SMAD3: variants seen among roughly 807,000 people sequenced by gnomAD.
SMAD3 encodes the protein MAD homolog 3.
SMAD3 carries 12 observed loss-of-function variants against 51.8 expected under a neutral mutation model. The observed-to-expected ratio is 0.23, with a 90% CI of 0.15 to 0.38. The LOEUF is 0.38. Ranked by LOEUF, SMAD3 falls within the 10% of genes least tolerant of loss-of-function variation. SMAD3 has a pLI of 1.00. For missense variants in SMAD3, 294 were observed against 565.6 expected (o/e 0.52, Z 4.87); for synonymous variants, 238 against 227.7 (o/e 1.05, Z -0.41).
At chr15:67,149,362 G>GT (rs1174859109) in intron 1 of SMAD3, among the ~76,000 whole-genome samples, 2 of 152,200 alleles carry the variant, frequency 1.3e-5, no homozygotes, top group African/African-American at 4.8e-5. Context: ...CTGGGACTGG[G>GT]TGGGCTGATA....
intron 1 of SMAD3, among the ~76,000 whole-genome samples, chr15:67,106,501 C>G (rs968506031): frequency 6.6e-6 from 1 of 152,180 alleles, no homozygotes; most frequent in African/African-American, 2.4e-5. Context: ...TACACTCTCT[C>G]ACAGAGACTG....
chr15:67,161,561 A>G (rs1362589068), intron 1 of SMAD3, among the ~76,000 whole-genome samples: 1 of 152,214 alleles, frequency 6.6e-6, no homozygotes, highest in South Asian at 2.1e-4. Context: ...AAATACGGCC[A>G]CTTCCCTAAT....
chr15:67,087,235 T>C (rs1162181987), intron 1 of SMAD3, among the ~76,000 whole-genome samples: 4 of 152,176 alleles, frequency 2.6e-5, no homozygotes, highest in Non-Finnish European at 5.9e-5. Flanking sequence ...GCAGCCTTAG[T>C]TGGCACCTCA....
chr15:67,079,227 G>A (rs201080315), intron 1 of SMAD3, among the ~76,000 whole-genome samples: 6 of 151,922 alleles, frequency 3.9e-5, no homozygotes, highest in African/African-American at 1.2e-4. Flanking sequence ...ATCTGCCCGC[G>A]TCAGCCTCCC....
chr15:67,145,755 C>G (rs148501142), intron 1 of SMAD3, among the ~76,000 whole-genome samples: 1,739 of 152,294 alleles, frequency 0.011, 14 homozygotes, highest in Non-Finnish European at 0.017. Flanking sequence ...GGCACTTGAC[C>G]TGAGGTGGCC....
chr15:67,068,970 T>G (rs7162912), intron 1 of SMAD3, among the ~76,000 whole-genome samples: 96,343 of 151,894 alleles, frequency 0.63, 30,896 homozygotes, highest in Admixed American at 0.75. Flanking sequence ...CCCCTGTGTG[T>G]GGGGGGTTGG....
At chr15:67,120,200 G>A (rs903872922) in intron 1 of SMAD3, among the ~76,000 whole-genome samples, 1 of 152,142 alleles carries the variant, frequency 6.6e-6, no homozygotes, top group African/African-American at 2.4e-5. Flanking sequence ...TAAGTCCCTG[G>A]AGTACACTGG....
intron 6 of SMAD3, among the ~76,000 whole-genome samples, chr15:67,181,685 C>T (rs1963064938): frequency 1.3e-5 from 2 of 152,102 alleles, no homozygotes; most frequent in Non-Finnish European, 2.9e-5. Context: ...TGATCATTCC[C>T]ACTCAAAGAT....
At chr15:67,068,089 T>G (rs1236482365) in intron 1 of SMAD3, among the ~76,000 whole-genome samples, 1 of 152,190 alleles carries the variant, frequency 6.6e-6, no homozygotes, top group Non-Finnish European at 1.5e-5. Context: ...CACTTTCACA[T>G]GGTTTTCTGA....
intron 1 of SMAD3, among the ~76,000 whole-genome samples, chr15:67,137,274 T>G (rs1370796621): frequency 6.6e-6 from 1 of 152,246 alleles, no homozygotes; most frequent in Non-Finnish European, 1.5e-5. Context: ...CCAGGTGATA[T>G]CAGCACTGCA....
At chr15:67,082,251 G>A (rs955188583) in intron 1 of SMAD3, among the ~76,000 whole-genome samples, 5 of 152,170 alleles carry the variant, frequency 3.3e-5, no homozygotes, top group Non-Finnish European at 7.3e-5. Context: ...CTGAGAAACA[G>A]AGCAGGGGGA....
rs68095915 is a variant in SMAD3 at position 67,177,422 on chromosome 15, G to GTT, written c.659-3807_659-3806dup. Among the ~76,000 whole-genome samples the GTT allele has an allele frequency of 9.2e-4, 86 of 93,888 alleles. 8 individuals are homozygous for GTT. Among genetic ancestry groups the GTT allele is most frequent in the East Asian group, 1.3e-3 (4 of 2,994 alleles). The allele number at this position is 93,888 out of a possible 152,430, so 61.6% of individuals were successfully genotyped here. On this transcript the variant is annotated intron_variant, in intron 5 of 8. Transcript: ENST00000327367. ...AATGAGGGCATATTTAGTGTTTTGG[G>GTT]TTTTTTTTTTTTTGGTGTGTGGCAG...
chr15:67,176,082 C>T (rs1266565033), intron 5 of SMAD3, among the ~76,000 whole-genome samples: 1 of 152,174 alleles, frequency 6.6e-6, no homozygotes, highest in East Asian at 1.9e-4. Context: ...CTCTGTGCAG[C>T]TTGGTTTGGT....
chr15:67,192,539 G>A lies in SMAD3; in HGVS notation c.*2003G>A, dbSNP rs1285710130. ...GTTCCCAGCCAGCTCTGAGACCCAG[G>A]AACCAAATATTCCATTTTGGCTTCT... On this transcript the variant is annotated 3_prime_UTR_variant, in exon 9 of 9. Transcript: ENST00000327367. 4.3e-6 allele frequency: 1 copy of A among 233,258 alleles called. No individual in the cohort carries two copies. The highest frequency in any genetic ancestry group is 2.2e-5 in the African/African-American group (1 of 45,330). 14.4% of individuals were successfully genotyped at this position (233,258 alleles called of 1,614,324 possible). A position where few individuals can be genotyped will look rare whatever the true frequency, so the allele number is the denominator to read the frequency against.
At chr15:67,180,972 C>CTAAATAAATAAATAAATAAA (rs60300820) in intron 5 of SMAD3, among the ~76,000 whole-genome samples, 1 of 145,954 alleles carries the variant, frequency 6.9e-6, no homozygotes, top group Non-Finnish European at 1.5e-5. Flanking sequence ...CCTTTATGAG[C>CTAAATAAATAAATAAATAAA]TAAATAAATA....
At chr15:67,108,214 G>A (rs544588337) in intron 1 of SMAD3, among the ~76,000 whole-genome samples, 11 of 152,118 alleles carry the variant, frequency 7.2e-5, no homozygotes, top group Non-Finnish European at 1.6e-4. Context: ...TTGTATTATT[G>A]CTGTAAATGG....
At chr15:67,090,326 T>G (rs1476947102) in intron 1 of SMAD3, among the ~76,000 whole-genome samples, 1 of 152,096 alleles carries the variant, frequency 6.6e-6, no homozygotes. Flanking sequence ...AGACAGGCAT[T>G]TCACCTCTCT....
chr15:67,188,821 T>A (rs1348592083), intron 8 of SMAD3, among the ~76,000 whole-genome samples: 1 of 152,264 alleles, frequency 6.6e-6, no homozygotes, highest in Non-Finnish European at 1.5e-5. Context: ...TGAGCATGAC[T>A]TATGGAAAGT....
At chr15:67,098,678 GA>G in intron 1 of SMAD3, 1 of 564,134 alleles carries the variant, frequency 1.8e-6, no homozygotes, top group Non-Finnish European at 3.2e-6. Context: ...GCTAATTAAA[GA>G]AAACAAGCTT....
Sources: allele counts gnomAD v4.1 joint callset (sites outside exome capture counted in the v4.1 genomes callset), GRCh38; gene constraint gnomAD v4.1.1; transcripts MANE v1.5; gene names NCBI Gene and HGNC (gene_info 2026-07-23, HGNC 2026-07-21).